RSPH14: variants seen among roughly 807,000 people sequenced by gnomAD.
RSPH14 encodes rhabdoid tumor deletion region gene 1.
In RSPH14, 20 loss-of-function variants were observed where a neutral mutation model predicts 26.7. The observed-to-expected ratio is 0.75, with a 90% CI of 0.53 to 1.09. The LOEUF (loss-of-function observed/expected upper bound fraction) is 1.09. Among genes scored for constraint, RSPH14 ranks in the 50% least tolerant of loss-of-function variants. The pLI, the probability that RSPH14 is intolerant of heterozygous loss-of-function variation, is 0.00. For missense variants in RSPH14, 449 were observed against 457.2 expected (o/e 0.98, Z 0.16); for synonymous variants, 177 against 189.3 (o/e 0.93, Z 0.53).
intron 4 of RSPH14, chr22:23,096,548 C>A: frequency 2.1e-6 from 2 of 963,816 alleles, no homozygotes; most frequent in Non-Finnish European, 3.1e-6. Context: ...CCCTGCTGCA[C>A]GATAACTGAG....
intron 4 of RSPH14, chr22:23,095,508 A>C (rs2069098965): frequency 1.6e-6 from 1 of 637,958 alleles, no homozygotes; most frequent in Admixed American, 3.0e-5. Context: ...CGCTGCACAG[A>C]GCGCCATGCC....
At chr22:23,146,373 A>AT (rs1330272516), upstream of RSPH14, among the ~76,000 whole-genome samples, 1 of 134,190 alleles carries the variant, frequency 7.5e-6, no homozygotes, top group Non-Finnish European at 1.7e-5. Flanking sequence ...TGCCCTGCTA[A>AT]TTTTTTTGGT....
the RSPH14 span, among the ~76,000 whole-genome samples, chr22:23,171,117 A>G: frequency 2.0e-5 from 3 of 151,926 alleles, no homozygotes; most frequent in African/African-American, 7.3e-5. Context: ...ACAGGCGTGC[A>G]CCACCACGCC....
At chr22:23,179,239 A>G in the RSPH14 span, among the ~76,000 whole-genome samples, 5,426 of 152,320 alleles carry the variant, frequency 0.036, 344 homozygotes, top group African/African-American at 0.12. Flanking sequence ...ACTTGGAGGC[A>G]GATGTGCTTC....
chr22:23,131,336 T>C (rs778293979), intron 4 of RSPH14: 70 of 213,914 alleles, frequency 3.3e-4, no homozygotes, highest in Non-Finnish European at 6.2e-4. Flanking sequence ...TGGTAAAATA[T>C]AAAGATATGC....
rs201526580 is a variant in RSPH14, at chr22:23,096,010, G to A, written c.422-31877C>T. 3.1e-6 allele frequency: 5 copies of A among 1,607,784 alleles called. No homozygotes were observed. In the South Asian group the frequency reaches 3.3e-5, roughly 11 times the overall value. ...ACCCCGACCGCGCCTACGACGCTGTGCAGCTCTTTGCGCTGACGGGCCCCG... is the reference window on the plus strand; with the variant it reads ...ACCCCGACCGCGCCTACGACGCTGTACAGCTCTTTGCGCTGACGGGCCCCG... On this transcript the variant is annotated intron_variant, in intron 4 of 6. Coordinates refer to ENST00000216036, the MANE Select transcript of RSPH14 (RefSeq NM_014433.3).
At chr22:23,180,585 C>A in the RSPH14 span, 42 of 35,626 alleles carry the variant, frequency 1.2e-3, no homozygotes, top group African/African-American at 0.045. Flanking sequence ...GCGGCGGCGG[C>A]GGCGGCACGG....
intron 4 of RSPH14, among the ~76,000 whole-genome samples, chr22:23,100,804 C>G (rs995144432): frequency 6.6e-6 from 1 of 152,202 alleles, no homozygotes; most frequent in South Asian, 2.1e-4. Flanking sequence ...CTGGGACACT[C>G]AGCCCTTCCC....
At chr22:23,158,877 G>C in the RSPH14 span, 4 of 1,609,094 alleles carry the variant, frequency 2.5e-6, no homozygotes, top group Non-Finnish European at 3.4e-6. Context: ...GAATCTCTCA[G>C]CCTCTCTCCT....
chr22:23,171,119 C>G, the RSPH14 span, among the ~76,000 whole-genome samples: 1 of 152,102 alleles, frequency 6.6e-6, no homozygotes, highest in Non-Finnish European at 1.5e-5. Context: ...AGGCGTGCAC[C>G]ACCACGCCCA....
chr22:23,114,953 C>T (rs993260660), intron 4 of RSPH14, among the ~76,000 whole-genome samples: 1 of 152,188 alleles, frequency 6.6e-6, no homozygotes, highest in Admixed American at 6.5e-5. Flanking sequence ...ATCTCAGAAG[C>T]TGGCAGGGCT....
chr22:23,069,421 T>C (rs1246999118), intron 4 of RSPH14, among the ~76,000 whole-genome samples: 1 of 152,252 alleles, frequency 6.6e-6, no homozygotes, highest in Non-Finnish European at 1.5e-5. Context: ...CTTGAGAGTC[T>C]TTTAAGCATG....
chr22:23,150,961 G>C, the RSPH14 span, among the ~76,000 whole-genome samples: 3 of 152,320 alleles, frequency 2.0e-5, no homozygotes, highest in African/African-American at 7.2e-5. Context: ...TTCCTGCCGC[G>C]GCAGCTCCTG....
the RSPH14 span, chr22:23,157,934 G>GC: frequency 6.2e-7 from 1 of 1,609,874 alleles, no homozygotes; most frequent in Non-Finnish European, 8.5e-7. Flanking sequence ...CTCCTGGGGA[G>GC]CCCCCTTGCT....
At chr22:23,094,698 G>A (rs929379901) in intron 4 of RSPH14, among the ~76,000 whole-genome samples, 1 of 152,230 alleles carries the variant, frequency 6.6e-6, no homozygotes, top group Admixed American at 6.5e-5. Flanking sequence ...TGGCTCCTGG[G>A]CTGGCCCATC....
At chr22:23,096,148 C>T in intron 4 of RSPH14, 1 of 1,612,898 alleles carries the variant, frequency 6.2e-7, no homozygotes, top group Non-Finnish European at 8.5e-7. Flanking sequence ...ACCTGGAGGA[C>T]AACGCGGCCT....
chr22:23,078,473 C>G (rs1478895471), intron 4 of RSPH14, among the ~76,000 whole-genome samples: 2 of 149,096 alleles, frequency 1.3e-5, no homozygotes. Context: ...AGTCTCCTGG[C>G]CACACTGACA....
chr22:23,178,981 G>A, the RSPH14 span, among the ~76,000 whole-genome samples: 2 of 152,178 alleles, frequency 1.3e-5, no homozygotes, highest in African/African-American at 4.8e-5. Flanking sequence ...TGCCGGGTCA[G>A]GGGAAAAGGA....
At chr22:23,088,257 C>A (rs1452157671) in intron 4 of RSPH14, among the ~76,000 whole-genome samples, 26 of 152,228 alleles carry the variant, frequency 1.7e-4, no homozygotes. Context: ...CAGGGTACCC[C>A]AGTGCGTTTC....
Sources: gnomAD v4.1 joint callset for allele counts (sites outside exome capture counted in the v4.1 genomes callset) on GRCh38, gnomAD v4.1.1 for gene constraint, MANE v1.5 for transcripts, NCBI Gene and HGNC (gene_info 2026-07-23, HGNC 2026-07-21) for gene names.